WWOX: variants seen among roughly 807,000 people sequenced by gnomAD.
WWOX encodes WW domain containing oxidoreductase, also known as WW domain-containing oxidoreductase.
WWOX carries 69 observed loss-of-function variants against 46.2 expected under a neutral mutation model. The observed-to-expected ratio is 1.49, with a 90% confidence interval of 1.23 to 1.82. WWOX has a LOEUF of 1.82. WWOX is among the 40% of genes most tolerant of loss of function. The probability of loss-of-function intolerance (pLI) is 0.00; values close to 1 mark genes in which losing one functional copy is unlikely to be tolerated. For synonymous variants in WWOX, 359 were observed against 202.6 expected, an observed-to-expected ratio of 1.77 and a Z score of -6.56; for missense variants, 919 against 542.6, an observed-to-expected ratio of 1.69 and a Z score of -6.89.
chr16:78,158,252 A>C (rs372216784), intron 4 of WWOX, among the ~76,000 whole-genome samples: 2 of 152,324 alleles, frequency 1.3e-5, no homozygotes, highest in South Asian at 2.1e-4. Context: ...TTTTGCGTGC[A>C]TATTAACATT....
chr16:78,860,806 A>C (rs1355164479), intron 8 of WWOX, among the ~76,000 whole-genome samples: 1 of 152,124 alleles, frequency 6.6e-6, no homozygotes, highest in African/African-American at 2.4e-5. Flanking sequence ...AGCTTAGCTC[A>C]GGCTATAGGG....
chr16:78,151,823 A>G (rs1381413272), intron 4 of WWOX, among the ~76,000 whole-genome samples: 1 of 152,196 alleles, frequency 6.6e-6, no homozygotes, highest in Non-Finnish European at 1.5e-5. Flanking sequence ...TGCAGTAATC[A>G]ATGTTGGCAC....
At chr16:78,337,621 A>G (rs182238007) in intron 5 of WWOX, among the ~76,000 whole-genome samples, 1 of 152,246 alleles carries the variant, frequency 6.6e-6, no homozygotes, top group East Asian at 1.9e-4. Flanking sequence ...GCGTAGTTTC[A>G]CGCCTCTAAA....
At chr16:78,461,291 C>A (rs1475217606) in intron 8 of WWOX, among the ~76,000 whole-genome samples, 1 of 152,156 alleles carries the variant, frequency 6.6e-6, no homozygotes, top group Non-Finnish European at 1.5e-5. Context: ...CATTCTGAGT[C>A]ATCGTCTGCT....
intron 8 of WWOX, among the ~76,000 whole-genome samples, chr16:78,700,433 C>T (rs1232025846): frequency 6.6e-6 from 1 of 151,710 alleles, no homozygotes; most frequent in Non-Finnish European, 1.5e-5. Flanking sequence ...AGAGGCCCTA[C>T]CTCCAAACAC....
intron 8 of WWOX, among the ~76,000 whole-genome samples, chr16:78,874,189 A>T (rs1437416139): frequency 6.6e-6 from 1 of 150,866 alleles, no homozygotes; most frequent in Non-Finnish European, 1.5e-5. Context: ...CCAGGAGGTG[A>T]AGGTTGCAGT....
chr16:79,096,640 A>G (rs556524220), intron 8 of WWOX, among the ~76,000 whole-genome samples: 17 of 152,130 alleles, frequency 1.1e-4, no homozygotes, highest in African/African-American at 3.6e-4. Context: ...ATTTTTCTCC[A>G]TATTATCATT....
chr16:78,772,139 C>G (rs34071876), intron 8 of WWOX, among the ~76,000 whole-genome samples: 66,033 of 151,922 alleles, frequency 0.43, 14,963 homozygotes, highest in Middle Eastern at 0.56. Context: ...ATTTCATCAC[C>G]CAGGTAATAA....
intron 8 of WWOX, among the ~76,000 whole-genome samples, chr16:78,781,798 C>G (rs1013505715): frequency 1.3e-5 from 2 of 152,124 alleles, no homozygotes; most frequent in Non-Finnish European, 2.9e-5. Flanking sequence ...CAGTCAAAGA[C>G]ATGAATATTT....
At chr16:78,320,068 TTC>T (rs999074257) in intron 5 of WWOX, among the ~76,000 whole-genome samples, 7 of 152,362 alleles carry the variant, frequency 4.6e-5, no homozygotes, top group African/African-American at 1.4e-4. Flanking sequence ...GAGTATTTGT[TTC>T]TCTTTCTCCC....
At chr16:79,166,120 C>T (rs2050589699) in intron 8 of WWOX, among the ~76,000 whole-genome samples, 2 of 152,192 alleles carry the variant, frequency 1.3e-5, no homozygotes, top group African/African-American at 2.4e-5. Context: ...TGGGGTATTG[C>T]CGAAGTCCAT....
intron 8 of WWOX, among the ~76,000 whole-genome samples, chr16:78,524,790 C>A (rs1597210878): frequency 1.4e-5 from 2 of 137,958 alleles, no homozygotes; most frequent in African/African-American, 5.3e-5. Context: ...TAAGGGAGGT[C>A]AAAGTATGAA....
At chr16:78,293,133 C>T (rs1259549181) in intron 5 of WWOX, among the ~76,000 whole-genome samples, 3 of 152,202 alleles carry the variant, frequency 2.0e-5, no homozygotes, top group Admixed American at 6.5e-5. Context: ...CAGGCTGGGA[C>T]ACAAGCCACC....
intron 8 of WWOX, among the ~76,000 whole-genome samples, chr16:78,576,009 T>G (rs575203985): frequency 6.6e-6 from 1 of 152,300 alleles, no homozygotes; most frequent in South Asian, 2.1e-4. Context: ...TGTACTGGAT[T>G]ATCATTTATT....
chr16:78,449,207 A>G (rs2083631956), intron 8 of WWOX, among the ~76,000 whole-genome samples: 1 of 152,214 alleles, frequency 6.6e-6, no homozygotes, highest in African/African-American at 2.4e-5. Context: ...AGGGATCTCC[A>G]TCATGGCTGC....
At chr16:78,614,690 C>T (rs141357389) in intron 8 of WWOX, among the ~76,000 whole-genome samples, 33 of 152,326 alleles carry the variant, frequency 2.2e-4, no homozygotes, top group African/African-American at 6.3e-4. Flanking sequence ...TTGATACTAA[C>T]GCTACATGAA....
chr16:78,660,402 C>T (rs190138776), intron 8 of WWOX, among the ~76,000 whole-genome samples: 8 of 152,222 alleles, frequency 5.3e-5, no homozygotes, highest in Admixed American at 4.6e-4. Flanking sequence ...GATATGCTTC[C>T]TGAGAGGTGG....
intron 6 of WWOX, among the ~76,000 whole-genome samples, chr16:78,423,164 C>T (rs1016412914): frequency 6.6e-6 from 1 of 152,104 alleles, no homozygotes; most frequent in African/African-American, 2.4e-5. Context: ...AGATTACAGG[C>T]GTGAGCCGCC....
At chr16:78,760,800 C>T (rs974602911) in intron 8 of WWOX, among the ~76,000 whole-genome samples, 2 of 152,166 alleles carry the variant, frequency 1.3e-5, no homozygotes, top group Admixed American at 6.5e-5. Flanking sequence ...CTGATAAAGA[C>T]ATACCCAAGA....
Sources: allele counts gnomAD v4.1 joint callset (sites outside exome capture counted in the v4.1 genomes callset), GRCh38; gene constraint gnomAD v4.1.1; transcripts MANE v1.5; gene names NCBI Gene and HGNC (gene_info 2026-07-23, HGNC 2026-07-21).